The following HEPACAM2 variants were observed in gnomAD, a reference collection of about 807,000 sequenced individuals.
HEPACAM2 encodes mitotic kinetics regulator.
HEPACAM2 carries 49 observed loss-of-function variants against 49.6 expected under a neutral mutation model. That is an observed-to-expected ratio of 0.99 (90% CI 0.78 to 1.25). HEPACAM2 has a LOEUF of 1.25. Among genes scored for constraint, HEPACAM2 ranks in the 50% most tolerant of loss-of-function variants. The pLI, the probability that HEPACAM2 is intolerant of heterozygous loss-of-function variation, is 0.00. For missense variants in HEPACAM2, 525 were observed against 557.2 expected (o/e 0.94, Z 0.58); for synonymous variants, 197 against 202.9 (o/e 0.97, Z 0.25).
Position 93,189,017 on chromosome 7 carries a change from A to T in HEPACAM2, c.*250T>A. 2.1e-6 allele frequency: 1 copy of T among 472,884 alleles called. No homozygotes were observed. Among genetic ancestry groups the T allele is most frequent in the South Asian group, 4.4e-5 (1 of 22,762 alleles). 29.3% of individuals were successfully genotyped at this position (472,884 alleles called of 1,614,324 possible). On this transcript the variant is annotated 3_prime_UTR_variant, in exon 10 of 10. Coordinates refer to ENST00000394468, the MANE Select transcript of HEPACAM2 (RefSeq NM_001039372.4). ...TGTCACTTTCGTTCTCCCCGTCAGC[A>T]TGAGAACGACTCTCCACTGAGGAAT... is the stretch of plus-strand genomic sequence containing the variant.
chr7:93,217,062 T>C (rs1794322976), intron 2 of HEPACAM2, among the ~76,000 whole-genome samples: 1 of 152,200 alleles, frequency 6.6e-6, no homozygotes, highest in Middle Eastern at 3.2e-3. Context: ...TGTAATCAAC[T>C]GGCTCATCTA....
chr7:93,213,777 A>G (rs1182944465), intron 3 of HEPACAM2, among the ~76,000 whole-genome samples: 5 of 152,080 alleles, frequency 3.3e-5, no homozygotes, highest in East Asian at 3.9e-4. Flanking sequence ...AAGGAGCACA[A>G]TGAACCTGTT....
intron 8 of HEPACAM2, 134 bp downstream of exon 8, chr7:93,195,694 G>T (rs1170830451): frequency 1.4e-6 from 1 of 696,846 alleles, no homozygotes; most frequent in Non-Finnish European, 2.5e-6. Flanking sequence ...TACGGAGTAA[G>T]TCAACACTGC....
intron 4 of HEPACAM2, among the ~76,000 whole-genome samples, chr7:93,198,168 T>C (rs1793785431): frequency 6.6e-6 from 1 of 152,126 alleles, no homozygotes; most frequent in Admixed American, 6.6e-5. Flanking sequence ...ATAGGATGTA[T>C]GTGTGATTTT....
At chr7:93,226,002 A>G in intron 1 of HEPACAM2, 1 of 827,334 alleles carries the variant, frequency 1.2e-6, no homozygotes. Context: ...GTTTCACTCT[A>G]AGTGGTCACA....
At chr7:93,213,407 A>G (rs1794225766) in intron 3 of HEPACAM2, among the ~76,000 whole-genome samples, 1 of 152,088 alleles carries the variant, frequency 6.6e-6, no homozygotes, top group African/African-American at 2.4e-5. Flanking sequence ...TCCTACTTTC[A>G]TGAAAAAACC....
chr7:93,225,153 A>G (rs933138956), intron 1 of HEPACAM2, among the ~76,000 whole-genome samples: 6 of 152,166 alleles, frequency 3.9e-5, no homozygotes, highest in African/African-American at 1.4e-4. Flanking sequence ...CACTTATAAA[A>G]TGATAGTAGT....
intron 1 of HEPACAM2, among the ~76,000 whole-genome samples, chr7:93,224,002 G>A (rs1299679619): frequency 2.0e-5 from 3 of 152,260 alleles, no homozygotes; most frequent in East Asian, 1.9e-4. Flanking sequence ...TTACTAATGT[G>A]AGAAAACTTA....
chr7:93,206,419 A>G (rs1408477066), intron 4 of HEPACAM2, among the ~76,000 whole-genome samples: 1 of 152,064 alleles, frequency 6.6e-6, no homozygotes, highest in Non-Finnish European at 1.5e-5. Flanking sequence ...GCGTACTCCA[A>G]TATTTGGCCC....
chr7:93,219,063 G>A (rs1051372680), intron 2 of HEPACAM2, 38 bp downstream of exon 2: 1 of 1,574,346 alleles, frequency 6.4e-7, no homozygotes, highest in South Asian at 1.1e-5. Context: ...TAACTACCAT[G>A]CTAGACTGCT....
chr7:93,213,151 A>T lies in HEPACAM2; in HGVS notation c.715+2250T>A, dbSNP rs547857295. Among the ~76,000 whole-genome samples the T allele has an allele frequency of 2.8e-3, 429 of 151,924 alleles. 2 individuals are homozygous for T. The highest frequency in any genetic ancestry group is 4.2e-3 in the Non-Finnish European group (284 of 67,932). ...TGACCTTTTTTCCCCTTTAATTTTT[A>T]TCACTTAGAGCTCTCCACTGCAGCA... On this transcript the variant is annotated intron_variant, in intron 3 of 9. Transcript: ENST00000394468.
At chr7:93,217,666 G>T (rs139192142) in intron 2 of HEPACAM2, among the ~76,000 whole-genome samples, 1 of 152,222 alleles carries the variant, frequency 6.6e-6, no homozygotes, top group Non-Finnish European at 1.5e-5. Context: ...GGTCAGCAAA[G>T]GTTTTAAGCA....
chr7:93,227,864 C>G (rs528613071), upstream of HEPACAM2, among the ~76,000 whole-genome samples: 12 of 152,298 alleles, frequency 7.9e-5, 1 homozygote, highest in South Asian at 2.3e-3. Flanking sequence ...GGATGTTGGG[C>G]ACGTAGCATA....
In HEPACAM2 at chr7:93,197,402, A is replaced by G; in HGVS notation, c.1139-5T>C. 1 of 1,594,338 alleles carries G rather than the reference A, an allele frequency of 6.3e-7. No individual in the cohort carries two copies. The highest frequency in any genetic ancestry group is 1.1e-5 in the South Asian group (1 of 87,416). On this transcript the variant is annotated splice_polypyrimidine_tract_variant and splice_region_variant and intron_variant, in intron 5 of 9. Transcript: ENST00000394468. ...CTTCTAGTTTCTGTTTTATAACTAA[A>G]ATCAAGAGAGAAGAAAAATGGTAAG...
At position 93,188,988 on chromosome 7, in the gene HEPACAM2, C is replaced by G. The variant is rs933675225; in HGVS notation, c.*279G>C. On this transcript the variant is annotated 3_prime_UTR_variant, in exon 10 of 10. Coordinates refer to ENST00000394468, the MANE Select transcript of HEPACAM2 (RefSeq NM_001039372.4). ...ATTTCATACAAAACTTATGAGGAAA[C>G]CCCTGTCACTTTCGTTCTCCCCGTC... 4.4e-6 allele frequency: 2 copies of G among 453,730 alleles called. No individual in the cohort carries two copies. The highest frequency in any genetic ancestry group is 6.7e-5 in the East Asian group (2 of 29,990). The allele number at this position is 453,730 out of a possible 1,614,324, so 28.1% of individuals were successfully genotyped here.
chr7:93,197,314 A>G (rs1440841669), intron 6 of HEPACAM2, 36 bp from the exon 7 acceptor site: 1 of 1,608,760 alleles, frequency 6.2e-7, no homozygotes, highest in East Asian at 2.2e-5. Context: ...GTCAGGGATA[A>G]TAATTGAGGA....
chr7:93,214,611 C>A (rs1033116379), intron 3 of HEPACAM2, among the ~76,000 whole-genome samples: 2 of 152,020 alleles, frequency 1.3e-5, no homozygotes, highest in African/African-American at 2.4e-5. Context: ...CAAATAACAT[C>A]GTGAAGGAAA....
chr7:93,219,624 C>A, intron 1 of HEPACAM2, 173 bp from the exon 2 acceptor site: 1 of 1,225,872 alleles, frequency 8.2e-7, no homozygotes, highest in Non-Finnish European at 1.1e-6. Flanking sequence ...GTCCCTGAAA[C>A]CTTCTGCACT....
chr7:93,197,667 C>A (rs1317194352), intron 4 of HEPACAM2, 57 bp from the exon 5 acceptor site: 2 of 1,271,918 alleles, frequency 1.6e-6, no homozygotes, highest in South Asian at 1.6e-5. Context: ...TATAACTTGA[C>A]TTTTTAAATG....
Sources: gnomAD v4.1 joint callset for allele counts (sites outside exome capture counted in the v4.1 genomes callset) on GRCh38, gnomAD v4.1.1 for gene constraint, MANE v1.5 for transcripts, NCBI Gene and HGNC (gene_info 2026-07-23, HGNC 2026-07-21) for gene names.